Variants in RBM20 observed in about 807,000 individuals in gnomAD.
RBM20 encodes the protein RNA-binding protein 20.
In RBM20, 51 loss-of-function variants were observed where a neutral mutation model predicts 110.1. The observed-to-expected ratio is 0.46, with a 90% CI of 0.37 to 0.59. RBM20 has a LOEUF of 0.59. RBM20 is among the 20% of genes least tolerant of loss of function. The pLI is 0.00. For missense variants in RBM20, 1,512 were observed against 1,574.9 expected (o/e 0.96, Z 0.68); for synonymous variants, 589 against 618.2 (o/e 0.95, Z 0.70).
intron 5 of RBM20, among the ~76,000 whole-genome samples, chr10:110,794,368 A>T (rs911841091): frequency 6.6e-6 from 1 of 152,248 alleles, no homozygotes; most frequent in Non-Finnish European, 1.5e-5. Flanking sequence ...AAATTAATTT[A>T]TCTTTCTAAC....
chr10:110,668,669 C>T (rs1250915604), intron 1 of RBM20, among the ~76,000 whole-genome samples: 1 of 151,932 alleles, frequency 6.6e-6, no homozygotes, highest in Non-Finnish European at 1.5e-5. Flanking sequence ...GATGAGAGTG[C>T]CAGAGAAACC....
intron 13 of RBM20, among the ~76,000 whole-genome samples, chr10:110,832,914 G>A (rs1845075191): frequency 6.6e-6 from 1 of 152,200 alleles, no homozygotes; most frequent in Non-Finnish European, 1.5e-5. Context: ...GGCCAGAGCA[G>A]GAGGGTCAGA....
intron 5 of RBM20, among the ~76,000 whole-genome samples, chr10:110,787,382 A>G (rs548130434): frequency 6.6e-6 from 1 of 152,352 alleles, no homozygotes; most frequent in Non-Finnish European, 1.5e-5. Flanking sequence ...CGTCAAGTAC[A>G]TATGAAGTAA....
intron 1 of RBM20, among the ~76,000 whole-genome samples, chr10:110,699,572 G>C (rs891269275): frequency 6.6e-6 from 1 of 151,554 alleles, no homozygotes; most frequent in Non-Finnish European, 1.5e-5. Context: ...GCACACAGCC[G>C]TTTAAAAAAA....
chr10:110,813,654 G>A (rs990846080), intron 9 of RBM20, among the ~76,000 whole-genome samples: 9 of 151,998 alleles, frequency 5.9e-5, no homozygotes, highest in Non-Finnish European at 1.2e-4. Context: ...GGCCAATATG[G>A]TGAAACCCTG....
intron 1 of RBM20, among the ~76,000 whole-genome samples, chr10:110,764,796 G>A (rs867417818): frequency 5.3e-5 from 8 of 152,200 alleles, no homozygotes; most frequent in Non-Finnish European, 7.4e-5. Context: ...TCAGCCCGTC[G>A]TGCCAGGCAC....
At position 110,739,958 on chromosome 10, in the gene RBM20, C is replaced by T. The variant is rs548740428; in HGVS notation, c.192-40843C>T. Among the ~76,000 whole-genome samples, 3 of 152,332 alleles carry T rather than the reference C, an allele frequency of 2.0e-5. No individual in the cohort carries two copies. In the East Asian group the frequency reaches 5.8e-4, roughly 29 times the overall value. On this transcript the variant is annotated intron_variant, in intron 1 of 13. Coordinates refer to ENST00000369519, the MANE Select transcript of RBM20 (RefSeq NM_001134363.3). The surrounding 1 kb of genome is among the most constrained non-coding windows in gnomAD (Gnocchi z 4.1). ...GTTCCCAGCCCCACTATACTGTCTCCCTCTCCCTCCTTCTCCAAGTGCCCA... is the reference window on the plus strand; with the variant it reads ...GTTCCCAGCCCCACTATACTGTCTCTCTCTCCCTCCTTCTCCAAGTGCCCA...
At chr10:110,827,336 A>G (rs12261853) in intron 12 of RBM20, among the ~76,000 whole-genome samples, 46,326 of 151,746 alleles carry the variant, frequency 0.31, 7,242 homozygotes, top group Non-Finnish European at 0.33. Context: ...GTGAGCCATT[A>G]TTGTGCCACT....
intron 7 of RBM20, among the ~76,000 whole-genome samples, chr10:110,809,040 C>A (rs571939136): frequency 6.6e-6 from 1 of 151,802 alleles, no homozygotes; most frequent in Non-Finnish European, 1.5e-5. Context: ...CATAGCGAGA[C>A]CTTGTCTTTT....
intron 1 of RBM20, among the ~76,000 whole-genome samples, chr10:110,760,553 G>T (rs1434568853): frequency 1.4e-5 from 2 of 139,246 alleles, no homozygotes; most frequent in Non-Finnish European, 3.0e-5. Flanking sequence ...CAATTCTCCT[G>T]CCTCAGCCTC....
chr10:110,722,919 C>T (rs1452521733), intron 1 of RBM20, among the ~76,000 whole-genome samples: 2 of 152,030 alleles, frequency 1.3e-5, no homozygotes, highest in South Asian at 2.1e-4. Flanking sequence ...TGAGATTAGC[C>T]TGGCCAAAAA....
chr10:110,737,086 A>C (rs1002275104), intron 1 of RBM20, among the ~76,000 whole-genome samples: 3 of 148,276 alleles, frequency 2.0e-5, no homozygotes, highest in African/African-American at 7.5e-5. Context: ...CTGAGACAGG[A>C]GAATCACTTG....
chr10:110,674,903 G>A (rs143723311), intron 1 of RBM20, among the ~76,000 whole-genome samples: 1 of 152,206 alleles, frequency 6.6e-6, no homozygotes, highest in African/African-American at 2.4e-5. Context: ...TGCCTATGGA[G>A]GACATAGAAA....
At chr10:110,789,757 C>A (rs1844461955) in intron 5 of RBM20, among the ~76,000 whole-genome samples, 1 of 152,210 alleles carries the variant, frequency 6.6e-6, no homozygotes, top group African/African-American at 2.4e-5. Flanking sequence ...CTCAGCCCCT[C>A]CCATCCCACT....
At chr10:110,828,833 T>TTTTG (rs1019044553) in intron 12 of RBM20, among the ~76,000 whole-genome samples, 2 of 151,370 alleles carry the variant, frequency 1.3e-5, no homozygotes, top group Non-Finnish European at 2.9e-5. Flanking sequence ...GCTTTTTGTT[T>TTTTG]TTTGTTTGTT....
intron 1 of RBM20, among the ~76,000 whole-genome samples, chr10:110,689,204 T>A (rs946548546): frequency 6.6e-6 from 1 of 152,180 alleles, no homozygotes; most frequent in African/African-American, 2.4e-5. Context: ...GATCAGTAGA[T>A]CCTCCAACCA....
At chr10:110,810,518 C>T (rs1844751777) in intron 8 of RBM20, 56 bp downstream of exon 8, 1 of 1,263,206 alleles carries the variant, frequency 7.9e-7, no homozygotes, top group South Asian at 1.3e-5. Flanking sequence ...GAACAGACTC[C>T]TGTTTCTCAT....
At chr10:110,778,114 C>A (rs1202905702) in intron 1 of RBM20, among the ~76,000 whole-genome samples, 1 of 152,184 alleles carries the variant, frequency 6.6e-6, no homozygotes, top group African/African-American at 2.4e-5. Context: ...CACCCAGGGA[C>A]CCCCAAGGCT....
chr10:110,811,808 T>C (rs900894171), intron 8 of RBM20, among the ~76,000 whole-genome samples: 1 of 152,156 alleles, frequency 6.6e-6, no homozygotes, highest in Non-Finnish European at 1.5e-5. Flanking sequence ...AGCCCAAATG[T>C]AGGAGTGGCT....
Sources: allele counts gnomAD v4.1 joint callset (sites outside exome capture counted in the v4.1 genomes callset), GRCh38; gene constraint gnomAD v4.1.1; non-coding constraint Gnocchi (gnomAD v3.1); transcripts MANE v1.5; gene names NCBI Gene and HGNC (gene_info 2026-07-23, HGNC 2026-07-21).